The following EIF4E variants were observed in gnomAD, a reference collection of about 807,000 sequenced individuals.
The protein encoded by EIF4E is eukaryotic translation initiation factor 4E.
For synonymous variants in EIF4E, 71 were observed against 88.5 expected (o/e 0.80, Z 1.11); for missense variants, 113 against 265.6 (o/e 0.43, Z 3.99).
intron 1 of EIF4E, among the ~76,000 whole-genome samples, chr4:98,903,132 T>C (rs1724719530): frequency 6.6e-6 from 1 of 152,132 alleles, no homozygotes; most frequent in Admixed American, 6.5e-5. Flanking sequence ...TCCATGTAGC[T>C]CTTCATACTA....
In EIF4E at chr4:98,887,017, T is replaced by C; in HGVS notation, c.399+62A>G. 2 of 1,479,522 alleles carry C rather than the reference T, an allele frequency of 1.4e-6. No individual in the cohort carries two copies. Among genetic ancestry groups the C allele is most frequent in the African/African-American group, 1.4e-5 (1 of 72,444 alleles). The allele number at this position is 1,479,522 out of a possible 1,614,324, so 91.6% of individuals were successfully genotyped here. On this transcript the variant is annotated intron_variant, in intron 5 of 6. Transcript: ENST00000450253. This position sits in a 1 kb window ranked among gnomAD's most constrained non-coding sequence, Gnocchi z 4.0. ...TAAGTAACAAATGTAAAACATAACA[T>C]ATCTTAAGTATCAGTATTCCAAAAC... is the stretch of plus-strand genomic sequence containing the variant.
At chr4:98,888,835 G>A (rs1476057975) in intron 3 of EIF4E, among the ~76,000 whole-genome samples, 3 of 152,108 alleles carry the variant, frequency 2.0e-5, no homozygotes, top group African/African-American at 7.2e-5. Flanking sequence ...TTCTCCTGGT[G>A]CTATGTTAAC....
intron 2 of EIF4E, among the ~76,000 whole-genome samples, chr4:98,898,465 G>A (rs10461135): frequency 0.13 from 19,305 of 151,676 alleles, 1,375 homozygotes; most frequent in East Asian, 0.19. Flanking sequence ...AAAATTAGCC[G>A]GGCATGGTGG....
At chr4:98,882,153 GAGGCCGAGGCGGGCGGA>G (rs1015642646) in intron 6 of EIF4E, among the ~76,000 whole-genome samples, 18 of 152,072 alleles carry the variant, frequency 1.2e-4, no homozygotes, top group Admixed American at 1.1e-3. Context: ...AGCACTTTGG[GAGGCCGAGGCGGGCGGA>G]TCACGAGGTC....
chr4:98,923,130 C>A (rs71612665), intron 1 of EIF4E, among the ~76,000 whole-genome samples: 1 of 150,960 alleles, frequency 6.6e-6, no homozygotes, highest in Non-Finnish European at 1.5e-5. Context: ...GGATTACAGG[C>A]GTGAGCCACC....
intron 1 of EIF4E, chr4:98,928,807 C>T: frequency 6.8e-7 from 1 of 1,479,670 alleles, no homozygotes; most frequent in South Asian, 1.3e-5. Context: ...ACCCCAGCTA[C>T]CCTCCACCCT....
chr4:98,881,478 A>G (rs1723690575), intron 6 of EIF4E, among the ~76,000 whole-genome samples: 2 of 152,204 alleles, frequency 1.3e-5, no homozygotes, highest in South Asian at 4.1e-4. Context: ...CCCTGAGCTG[A>G]CTGCATTTAT....
intron 5 of EIF4E, among the ~76,000 whole-genome samples, chr4:98,886,170 T>G (rs1174865397): frequency 6.6e-6 from 1 of 152,074 alleles, no homozygotes; most frequent in Non-Finnish European, 1.5e-5. Flanking sequence ...AATAGTCACT[T>G]ATTCAAACAT....
At chr4:98,905,927 A>T (rs1000054757) in intron 1 of EIF4E, among the ~76,000 whole-genome samples, 3 of 152,220 alleles carry the variant, frequency 2.0e-5, no homozygotes, top group African/African-American at 7.2e-5. Flanking sequence ...AATATTATAG[A>T]GGTAAATATT....
chr4:98,908,927 T>C (rs1724993858), intron 1 of EIF4E, among the ~76,000 whole-genome samples: 1 of 152,208 alleles, frequency 6.6e-6, no homozygotes, highest in Non-Finnish European at 1.5e-5. Flanking sequence ...TCAGTATAAT[T>C]GTTAACAGAA....
At chr4:98,917,717 G>A (rs1725445282) in intron 1 of EIF4E, among the ~76,000 whole-genome samples, 1 of 152,180 alleles carries the variant, frequency 6.6e-6, no homozygotes, top group Non-Finnish European at 1.5e-5. Flanking sequence ...GATCACGGGA[G>A]TATTAAAAAA....
intron 3 of EIF4E, among the ~76,000 whole-genome samples, chr4:98,888,608 A>G (rs1217079366): frequency 6.6e-6 from 1 of 152,202 alleles, no homozygotes; most frequent in Non-Finnish European, 1.5e-5. Context: ...CTATTTCCCA[A>G]GTATCAAAAT....
rs369741632 is a variant in EIF4E at position 98,910,999 on chromosome 4, G to C, written c.19-9017C>G. ...TCCGCCCACCTTGGCCTCCTAAAGT[G>C]CTGGAATTACAGGCATGAGCCACCG... On this transcript the variant is annotated intron_variant, in intron 1 of 6. Coordinates refer to ENST00000450253, the MANE Select transcript of EIF4E (RefSeq NM_001968.5). Among the ~76,000 whole-genome samples, 40 of 151,980 alleles carry C rather than the reference G, an allele frequency of 2.6e-4. No individual in the cohort carries two copies. In the East Asian group the frequency reaches 6.8e-3, roughly 26 times the overall value.
intron 1 of EIF4E, among the ~76,000 whole-genome samples, chr4:98,917,281 T>A (rs1010513202): frequency 6.6e-6 from 1 of 151,908 alleles, no homozygotes; most frequent in African/African-American, 2.4e-5. Context: ...TCAGCTTTAA[T>A]CCAATCTTAA....
At chr4:98,928,057 G>A (rs1296077587) in intron 1 of EIF4E, among the ~76,000 whole-genome samples, 1 of 152,134 alleles carries the variant, frequency 6.6e-6, no homozygotes, top group Admixed American at 6.5e-5. Context: ...AAAGTCAAAT[G>A]GAAAAGTAAA....
intron 2 of EIF4E, among the ~76,000 whole-genome samples, chr4:98,899,088 T>C (rs1358106057): frequency 1.3e-5 from 2 of 150,240 alleles, no homozygotes; most frequent in Non-Finnish European, 3.0e-5. Context: ...CCACAGACAA[T>C]GTTAGAAGAC....
At chr4:98,928,598 A>C (rs1476443937) in intron 1 of EIF4E, among the ~76,000 whole-genome samples, 2 of 151,508 alleles carry the variant, frequency 1.3e-5, no homozygotes. Flanking sequence ...CACCGGTCTA[A>C]GGAAGACGTG....
At chr4:98,925,872 A>G (rs1393881264) in intron 1 of EIF4E, 1 of 151,932 alleles carries the variant, frequency 6.6e-6, no homozygotes, top group Non-Finnish European at 1.5e-5. Context: ...AGTTGCTTCA[A>G]AAAAAAATCC....
intron 1 of EIF4E, among the ~76,000 whole-genome samples, chr4:98,928,398 T>A (rs560333012): frequency 1.3e-5 from 2 of 151,304 alleles, no homozygotes; most frequent in Admixed American, 6.6e-5. Flanking sequence ...GACACACGAG[T>A]GTTCCTTCCC....
Sources: allele counts gnomAD v4.1 joint callset (sites outside exome capture counted in the v4.1 genomes callset), GRCh38; gene constraint gnomAD v4.1.1; non-coding constraint Gnocchi (gnomAD v3.1); transcripts MANE v1.5; gene names NCBI Gene and HGNC (gene_info 2026-07-23, HGNC 2026-07-21).